The following SLC22A25 variants were observed in gnomAD, a reference collection of about 807,000 sequenced individuals.
SLC22A25 encodes solute carrier family 22 member 25, also known as MGI:2442751, MGI:2385316, MGI:3042283, MGI:3645714, MGI:3605624, MGI:2442750.
In SLC22A25, 44 loss-of-function variants were observed where a neutral mutation model predicts 45.9. The observed-to-expected ratio is 0.96, with a 90% CI of 0.75 to 1.23. The LOEUF is 1.23. Among genes scored for constraint, SLC22A25 ranks in the 50% most tolerant of loss-of-function variants. The probability of loss-of-function intolerance (pLI) is 0.00; values close to 1 mark genes in which losing one functional copy is unlikely to be tolerated. For synonymous variants in SLC22A25, 283 were observed against 238.6 expected (o/e 1.19, Z -1.72); for missense variants, 800 against 666.4 (o/e 1.20, Z -2.21).
In SLC22A25 at chr11:63,166,112, C is replaced by T. The variant is rs760452836; in HGVS notation, c.1217G>A (p.Arg406Gln). Residue 406 changes from arginine to glutamine, a missense_variant, in exon 10 of 12, where the codon CGA becomes CAA. Transcript: ENST00000306494. ...GAACATGAGAAGCATCTGGCTTAGT[C>T]GACGGCTCATGTGATTCAGTGCCCA... ...APWALNHMSRRLSQMLLMFLL... is the reference protein window; with the variant it reads ...APWALNHMSRQLSQMLLMFLL... The T allele has an allele frequency of 1.7e-5, 27 of 1,613,874 alleles. No individual in the cohort carries two copies. Among genetic ancestry groups the T allele is most frequent in the African/African-American group, 5.3e-5 (4 of 74,914 alleles).
rs558881214 is a variant in SLC22A25 at position 63,168,749 on chromosome 11, C to T, written c.1071-2491G>A. ...GCAAGTTGGAAATCACATGTCAGGA[C>T]ATTATACAGGAGAACTTCCCCAACC... On this transcript the variant is annotated intron_variant, in intron 9 of 11. Coordinates refer to ENST00000306494, the MANE Select transcript of SLC22A25 (RefSeq NM_199352.6). Among the ~76,000 whole-genome samples, 4 of 152,168 alleles carry T rather than the reference C, an allele frequency of 2.6e-5. No homozygotes were observed. The South Asian group carries it at 8.3e-4, about 32-fold the overall frequency.
chr11:63,209,128 G>A (rs977821410), intron 7 of SLC22A25, among the ~76,000 whole-genome samples: 1 of 152,156 alleles, frequency 6.6e-6, no homozygotes, highest in African/African-American at 2.4e-5. Flanking sequence ...AATTGGCCGT[G>A]TGTTTAAGGT....
intron 5 of SLC22A25, among the ~76,000 whole-genome samples, chr11:63,225,835 T>C (rs2089951045): frequency 6.6e-6 from 1 of 152,106 alleles, no homozygotes; most frequent in South Asian, 2.1e-4. Context: ...TTTTCACTTT[T>C]GTCTCCTCTG....
intron 4 of SLC22A25, 74 bp from the exon 5 acceptor site, chr11:63,228,638 G>T: frequency 9.0e-7 from 1 of 1,105,412 alleles, no homozygotes; most frequent in Non-Finnish European, 1.3e-6. Flanking sequence ...TCTTAAAATA[G>T]CCTGCAAGTT....
rs1248044621 is a variant in SLC22A25 at position 63,229,491 on chromosome 11, C to A, written c.162G>T (p.Leu54=). ...ILDHRCWVHI[L]DNDTIPDNDP... ...CATTGTCAGGGATAGTGTCATTGTCCAGTATATGAACCCAGCAGCGATGAT... is the reference window on the plus strand; with the variant it reads ...CATTGTCAGGGATAGTGTCATTGTCAAGTATATGAACCCAGCAGCGATGAT... The change falls in exon 4 of 12, where the codon CTG becomes CTT. Residue 54 remains leucine (L), a synonymous_variant. Transcript: ENST00000306494. 1 of 1,614,096 alleles carries A rather than the reference C, an allele frequency of 6.2e-7. No individual in the cohort carries two copies.
At chr11:63,228,326 C>A (rs1289055024) in intron 5 of SLC22A25, 135 bp downstream of exon 5, 2 of 649,208 alleles carry the variant, frequency 3.1e-6, no homozygotes, top group Admixed American at 6.1e-5. Context: ...CATAATTTTC[C>A]TTTTGTGTCT....
rs146934348 is a variant in SLC22A25, at chr11:63,191,179, C to T, written c.831-7362G>A. Among the ~76,000 whole-genome samples, 102 of 152,348 alleles carry T rather than the reference C, an allele frequency of 6.7e-4. 4 individuals are homozygous for T. The East Asian group carries it at 0.01, about 16-fold the overall frequency. ...ACAAAGGCAGGCAGGCCTCCTCAAG[C>T]TGCGGTGGGCTCCACCCAGTTGGAG... On this transcript the variant is annotated intron_variant, in intron 7 of 11. Transcript: ENST00000306494.
At chr11:63,203,495 G>A (rs983171419) in intron 7 of SLC22A25, among the ~76,000 whole-genome samples, 11 of 151,736 alleles carry the variant, frequency 7.2e-5, no homozygotes, top group Admixed American at 4.6e-4. Flanking sequence ...CACAGCATGA[G>A]AACTTCATGA....
chr11:63,166,595 T>A, intron 9 of SLC22A25: 2 of 1,041,112 alleles, frequency 1.9e-6, no homozygotes, highest in Non-Finnish European at 2.3e-6. Flanking sequence ...TTCACAGTAA[T>A]GAAAATATAC....
At chr11:63,190,477 T>C (rs1167588565) in intron 7 of SLC22A25, among the ~76,000 whole-genome samples, 1 of 152,194 alleles carries the variant, frequency 6.6e-6, no homozygotes, top group Non-Finnish European at 1.5e-5. Flanking sequence ...TTAACTTCTT[T>C]GCCATGAGTT....
rs547211025 is a variant in SLC22A25 at position 63,164,142 on chromosome 11, T to G, written c.1395-69A>C. 2.0e-5 allele frequency: 30 copies of G among 1,516,642 alleles called. No homozygotes were observed. In the South Asian group the frequency reaches 3.8e-4, roughly 19 times the overall value. The allele number at this position is 1,516,642 out of a possible 1,614,324, so 93.9% of individuals were successfully genotyped here. A position where few individuals can be genotyped will look rare whatever the true frequency, so the allele number is the denominator to read the frequency against. On this transcript the variant is annotated intron_variant, in intron 11 of 11. Coordinates refer to ENST00000306494, the MANE Select transcript of SLC22A25 (RefSeq NM_199352.6). ...TACATATAATTTGTGATTTATCATT[T>G]TGCTGTGATTATGGATGAGCACTTA...
chr11:63,191,680 C>T (rs2088821079), intron 7 of SLC22A25, among the ~76,000 whole-genome samples: 1 of 152,148 alleles, frequency 6.6e-6, no homozygotes, highest in African/African-American at 2.4e-5. Context: ...ATTTGGCCAT[C>T]TTGGCTCCAC....
intron 7 of SLC22A25, among the ~76,000 whole-genome samples, chr11:63,193,757 C>T (rs927596533): frequency 6.6e-6 from 1 of 152,226 alleles, no homozygotes; most frequent in Admixed American, 6.5e-5. Flanking sequence ...GCCTCTTCTC[C>T]TCCAAAGGAC....
chr11:63,184,812 CTTG>C (rs1490619047), intron 7 of SLC22A25, among the ~76,000 whole-genome samples: 1 of 152,036 alleles, frequency 6.6e-6, no homozygotes, highest in Non-Finnish European at 1.5e-5. Flanking sequence ...TTCTACAATA[CTTG>C]TTAAGGAAAG....
chr11:63,177,863 T>TC (rs1565070721), intron 9 of SLC22A25, among the ~76,000 whole-genome samples: 3 of 2,026 alleles, frequency 1.5e-3, no homozygotes, highest in Non-Finnish European at 2.8e-3. Context: ...TGTATATATA[T>TC]AATATATATA....
intron 7 of SLC22A25, among the ~76,000 whole-genome samples, chr11:63,204,069 T>C (rs944208725): frequency 1.1e-4 from 16 of 152,096 alleles, no homozygotes; most frequent in Admixed American, 1.0e-3. Flanking sequence ...AGCTTCATAA[T>C]TGAAGGAGAA....
chr11:63,187,336 GCTCT>G lies in SLC22A25; in HGVS notation c.831-3523_831-3520del, dbSNP rs532344424. Among the ~76,000 whole-genome samples, 1,340 of 152,182 alleles carry G rather than the reference GCTCT, an allele frequency of 8.8e-3. 9 individuals carry two copies. The highest frequency in any genetic ancestry group is 0.019 in the African/African-American group (769 of 41,516). On this transcript the variant is annotated intron_variant, in intron 7 of 11. Transcript: ENST00000306494. Reference sequence around the variant, plus strand: ...CGAATGGGAGTTCACTCATGATTTGGCTCTCTGTTTGTCTGTTATTGGTGTATAA... The same window carrying G: ...CGAATGGGAGTTCACTCATGATTTGGCTGTTTGTCTGTTATTGGTGTATAA...
rs146003928 is a variant in SLC22A25, at chr11:63,163,324, G to A, written c.*500C>T. Among the ~76,000 whole-genome samples, 245 of 152,168 alleles carry A rather than the reference G, an allele frequency of 1.6e-3. 6 individuals are homozygous for A. Among genetic ancestry groups the A allele is most frequent in the East Asian group, 0.015 (80 of 5,178 alleles). On this transcript the variant is annotated 3_prime_UTR_variant, in exon 12 of 12. Transcript: ENST00000306494. ...ATCACTTCTTTTCCCCTTTTCCAACGCTTTTTTTCCCCCGTGAAAATTAGA... is the reference window on the plus strand; with the variant it reads ...ATCACTTCTTTTCCCCTTTTCCAACACTTTTTTTCCCCCGTGAAAATTAGA...
At chr11:63,175,825 G>GTGTATATATATATATATA (rs36011311) in intron 9 of SLC22A25, among the ~76,000 whole-genome samples, 1 of 150,226 alleles carries the variant, frequency 6.7e-6, no homozygotes, top group African/African-American at 2.5e-5. Flanking sequence ...AATTGGGTGT[G>GTGTATATATATATATATA]TATATATATA....
Sources: gnomAD v4.1 joint callset for allele counts (sites outside exome capture counted in the v4.1 genomes callset) on GRCh38, gnomAD v4.1.1 for gene constraint, MANE v1.5 for transcripts, NCBI Gene and HGNC (gene_info 2026-07-23, HGNC 2026-07-21) for gene names.